The following ADGRV1 variants were observed in gnomAD, a reference collection of about 807,000 sequenced individuals.
ADGRV1 encodes the protein G-protein coupled receptor 98.
ADGRV1 carries 359 observed loss-of-function variants against 596.2 expected under a neutral mutation model. That is an observed-to-expected ratio of 0.60 (90% CI 0.55 to 0.66). ADGRV1 has a LOEUF of 0.66. ADGRV1 is among the 30% of genes least tolerant of loss of function. ADGRV1 has a pLI of 0.00. For synonymous variants in ADGRV1, 2,681 were observed against 2,679.2 expected (o/e 1.00, Z -0.02); for missense variants, 7,274 against 7,575.6 (o/e 0.96, Z 1.48).
chr5:91,054,626 T>C (rs184454648), intron 85 of ADGRV1, among the ~76,000 whole-genome samples: 42 of 152,300 alleles, frequency 2.8e-4, no homozygotes, highest in African/African-American at 9.4e-4. Context: ...GCCATCTTTT[T>C]GCTATAACCT....
In ADGRV1 at chr5:90,653,777, A is replaced by T. The variant is rs1328463629; in HGVS notation, c.4203A>T (p.Lys1401Asn). 1 of 1,613,508 alleles carries T rather than the reference A, an allele frequency of 6.2e-7. No individual in the cohort carries two copies. The highest frequency in any genetic ancestry group is 1.3e-5 in the African/African-American group (1 of 75,070). ...ATGTGACACTTTCCCTTCATTATAA[A>T]ACCTTGGGTTCCAATGCTACATACA... The part of the protein sequence containing the change: ...ESHVTLSLHY[K>N]TLGSNATYIA... Residue 1401 changes from lysine (K) to asparagine (N), a missense_variant, in exon 20 of 90, where the codon AAA becomes AAT. Physicochemically the swap from Lys to Asn is moderately conservative, Grantham distance 94. This residue lies in a region of ADGRV1 where 1,715 missense variants were observed against 1,708.8 expected (regional missense o/e 1.00). Transcript: ENST00000405460.
chr5:91,000,668 C>CTCTGTGTGTGTGTG (rs372074690), intron 85 of ADGRV1, among the ~76,000 whole-genome samples: 1 of 141,154 alleles, frequency 7.1e-6, no homozygotes, highest in East Asian at 2.1e-4. Context: ...CTTACAGGAT[C>CTCTGTGTGTGTGTG]TGTGTGTGTG....
At chr5:90,919,269 A>G (rs1160115315) in intron 83 of ADGRV1, among the ~76,000 whole-genome samples, 1 of 152,192 alleles carries the variant, frequency 6.6e-6, no homozygotes, top group Non-Finnish European at 1.5e-5. Flanking sequence ...AGCAGCATCT[A>G]TATATTCCCA....
intron 1 of ADGRV1, among the ~76,000 whole-genome samples, chr5:90,587,664 C>T (rs1255153255): frequency 6.6e-6 from 1 of 151,314 alleles, no homozygotes; most frequent in Admixed American, 6.6e-5. Flanking sequence ...TCAAGCTATT[C>T]CTCCTGCTTC....
chr5:90,642,131 C>T (rs572423002), intron 11 of ADGRV1, among the ~76,000 whole-genome samples: 6 of 152,138 alleles, frequency 3.9e-5, no homozygotes, highest in East Asian at 3.9e-4. Flanking sequence ...TTTTTATCAG[C>T]GTGGCTTGCT....
chr5:90,749,617 T>G (rs1222568297), intron 52 of ADGRV1, among the ~76,000 whole-genome samples: 3 of 152,182 alleles, frequency 2.0e-5, no homozygotes, highest in African/African-American at 7.2e-5. Flanking sequence ...TCTTTTCAGG[T>G]TATCATAGTG....
intron 85 of ADGRV1, among the ~76,000 whole-genome samples, chr5:91,045,232 C>A (rs186623357): frequency 4.0e-4 from 61 of 152,126 alleles, no homozygotes; most frequent in Admixed American, 2.1e-3. Context: ...AAGGACATAA[C>A]CAAAAAAGAA....
intron 74 of ADGRV1, among the ~76,000 whole-genome samples, chr5:90,814,363 C>G (rs1012251088): frequency 1.3e-5 from 2 of 152,188 alleles, no homozygotes; most frequent in African/African-American, 4.8e-5. Flanking sequence ...ACCCAACCTA[C>G]TCCCTAATTT....
chr5:90,601,226 A>T (rs528452741), intron 1 of ADGRV1, among the ~76,000 whole-genome samples: 1 of 152,072 alleles, frequency 6.6e-6, no homozygotes, highest in Admixed American at 6.5e-5. Context: ...AACAAGAGTG[A>T]AACTCCATCT....
At chr5:90,979,329 T>C (rs1247276172) in intron 84 of ADGRV1, among the ~76,000 whole-genome samples, 2 of 151,960 alleles carry the variant, frequency 1.3e-5, no homozygotes, top group Non-Finnish European at 2.9e-5. Flanking sequence ...TCATCATGCC[T>C]GGCTAATTGT....
intron 83 of ADGRV1, among the ~76,000 whole-genome samples, chr5:90,965,054 T>C (rs1778336264): frequency 6.6e-6 from 1 of 152,188 alleles, no homozygotes; most frequent in Non-Finnish European, 1.5e-5. Flanking sequence ...TTCTCTCCCA[T>C]TAGCTTTGAT....
At chr5:90,906,950 T>G (rs774099642) in intron 83 of ADGRV1, among the ~76,000 whole-genome samples, 16 of 152,178 alleles carry the variant, frequency 1.1e-4, no homozygotes, top group Admixed American at 2.6e-4. Context: ...AATTTGGAGA[T>G]GCACATCTAA....
intron 67 of ADGRV1, 97 bp downstream of exon 67, chr5:90,784,154 G>A (rs1440143454): frequency 3.9e-6 from 3 of 768,210 alleles, no homozygotes; most frequent in African/African-American, 3.5e-5. Context: ...TTTATTCACA[G>A]CCAATCAATA....
chr5:90,789,309 A>G lies in ADGRV1; in HGVS notation c.13894-393A>G, dbSNP rs183624252. ...TATAGTCTTGGCAAGCTGATACACA[A>G]AATTAGTCCTCACAGGGCCTGTTTG... is the stretch of plus-strand genomic sequence containing the variant. On this transcript the variant is annotated intron_variant, in intron 68 of 89. Coordinates refer to ENST00000405460, the MANE Select transcript of ADGRV1 (RefSeq NM_032119.4). 1.7e-3 allele frequency among the ~76,000 whole-genome samples: 253 copies of G among 152,298 alleles called. 1 individual carries two copies. The highest frequency in any genetic ancestry group is 5.6e-3 in the African/African-American group (232 of 41,564).
At chr5:91,153,535 C>T (rs1003863599) in intron 89 of ADGRV1, 137 bp downstream of exon 89, 4 of 474,102 alleles carry the variant, frequency 8.4e-6, no homozygotes, top group African/African-American at 6.0e-5. Context: ...TTCCTAATCC[C>T]AGGAAAACTC....
intron 10 of ADGRV1, among the ~76,000 whole-genome samples, chr5:90,637,124 A>G (rs1266300216): frequency 6.6e-6 from 1 of 152,178 alleles, no homozygotes; most frequent in South Asian, 2.1e-4. Flanking sequence ...ATAGGGAATC[A>G]TTAGCTTTAT....
chr5:90,665,747 A>G (rs1771237342), intron 21 of ADGRV1, among the ~76,000 whole-genome samples: 1 of 149,536 alleles, frequency 6.7e-6, no homozygotes, highest in Admixed American at 6.7e-5. Flanking sequence ...TCTTGTGGGC[A>G]TTTAGTGCTA....
At chr5:91,071,595 G>C (rs1788393002) in intron 85 of ADGRV1, among the ~76,000 whole-genome samples, 1 of 152,170 alleles carries the variant, frequency 6.6e-6, no homozygotes, top group African/African-American at 2.4e-5. Context: ...AATGCTGTAT[G>C]TGAATTATTT....
At chr5:91,036,682 A>C (rs1404192744) in intron 85 of ADGRV1, among the ~76,000 whole-genome samples, 1 of 152,012 alleles carries the variant, frequency 6.6e-6, no homozygotes, top group Non-Finnish European at 1.5e-5. Flanking sequence ...ATGATTGTTC[A>C]ACTGCACTCA....
Sources: allele counts gnomAD v4.1 joint callset (sites outside exome capture counted in the v4.1 genomes callset), GRCh38; gene constraint gnomAD v4.1.1; regional missense constraint gnomAD v4.1.1; transcripts MANE v1.5; gene names NCBI Gene and HGNC (gene_info 2026-07-23, HGNC 2026-07-21).